LCA5: variants seen among roughly 807,000 people sequenced by gnomAD.
LCA5 encodes the protein lebercilin.
In LCA5, 37 loss-of-function variants were observed where a neutral mutation model predicts 53.0. The observed-to-expected ratio is 0.70, with a 90% CI of 0.54 to 0.92. The LOEUF (loss-of-function observed/expected upper bound fraction) is 0.92. LCA5 is among the 40% of genes least tolerant of loss of function. The pLI is 0.00. For synonymous variants in LCA5, 303 were observed against 282.9 expected (o/e 1.07, Z -0.71); for missense variants, 806 against 790.5 (o/e 1.02, Z -0.23).
At chr6:79,516,770 G>A (rs1216721010) in intron 2 of LCA5, among the ~76,000 whole-genome samples, 1 of 151,808 alleles carries the variant, frequency 6.6e-6, no homozygotes, top group African/African-American at 2.4e-5. Flanking sequence ...AAAGTGGGTG[G>A]AAAATTGCTT....
chr6:79,518,580 A>G (rs1582645386), intron 2 of LCA5, 125 bp downstream of exon 2: 2 of 859,252 alleles, frequency 2.3e-6, no homozygotes, highest in Non-Finnish European at 3.9e-6. Flanking sequence ...ATAAAACGTA[A>G]ATCAGCCCAC....
At position 79,489,220 on chromosome 6, in the gene LCA5, T is replaced by G; in HGVS notation, c.1099-4A>C. 6.2e-7 allele frequency: 1 copy of G among 1,610,522 alleles called. No homozygotes were observed. Among genetic ancestry groups the G allele is most frequent in the African/African-American group, 1.3e-5 (1 of 74,976 alleles). On this transcript the variant is annotated splice_polypyrimidine_tract_variant and splice_region_variant and intron_variant, in intron 6 of 7. Transcript: ENST00000369846. The stretch of plus-strand genomic sequence containing the variant: ...CTTGCTTTTGAGATTGCAAGTCCTA[T>G]TATACGTTAAAAAAAATGCAAGTTC...
chr6:79,513,152 A>G (rs1738724876), intron 3 of LCA5, 60 bp downstream of exon 3: 2 of 1,497,490 alleles, frequency 1.3e-6, no homozygotes, highest in African/African-American at 1.4e-5. Flanking sequence ...AAGAGAGCAC[A>G]TTAAATGCCC....
intron 3 of LCA5, among the ~76,000 whole-genome samples, chr6:79,512,528 CAA>C (rs1766261470): frequency 6.6e-6 from 1 of 152,130 alleles, no homozygotes; most frequent in Non-Finnish European, 1.5e-5. Flanking sequence ...ACGCTCACAG[CAA>C]GCATTATTGC....
rs34531407 is a variant in LCA5 at position 79,513,651 on chromosome 6, C to G, written c.281G>C (p.Arg94Pro). 6.2e-7 allele frequency: 1 copy of G among 1,613,756 alleles called. No individual in the cohort carries two copies. Among genetic ancestry groups the G allele is most frequent in the East Asian group, 2.2e-5 (1 of 44,848 alleles). Residue 94 changes from arginine to proline, a missense_variant, in exon 3 of 8, where the codon CGG (arginine) becomes CCG (proline). Transcript: ENST00000369846. The stretch of plus-strand genomic sequence containing the variant: ...TTTTGTAACAAGATCAGTATCTTTC[C>G]GAAGTGGCTCTCTATTGAGGCTCTG... ...RSQSLNREPLRKDTDLVTKRI... is the reference protein window; with the variant it reads ...RSQSLNREPLPKDTDLVTKRI...
intron 1 of LCA5, among the ~76,000 whole-genome samples, chr6:79,532,731 A>G (rs1766992721): frequency 6.6e-6 from 1 of 152,040 alleles, no homozygotes; most frequent in Non-Finnish European, 1.5e-5. Context: ...TCCTATTACT[A>G]TGCTTTATTT....
chr6:79,512,071 C>A (rs1339514866), intron 3 of LCA5, among the ~76,000 whole-genome samples: 1 of 152,118 alleles, frequency 6.6e-6, no homozygotes, highest in Admixed American at 6.6e-5. Context: ...AATTAGCATT[C>A]TGTGCGCTTC....
chr6:79,491,967 G>C (rs986833243), intron 5 of LCA5, among the ~76,000 whole-genome samples: 3 of 151,690 alleles, frequency 2.0e-5, no homozygotes, highest in African/African-American at 7.3e-5. Flanking sequence ...TTGTTTCTAG[G>C]ATTTACTGGC....
At chr6:79,514,229 A>G (rs765651421) in intron 2 of LCA5, among the ~76,000 whole-genome samples, 2 of 152,102 alleles carry the variant, frequency 1.3e-5, no homozygotes, top group African/African-American at 2.4e-5. Flanking sequence ...AGCTTTTTTC[A>G]TATGCTTGTT....
chr6:79,499,399 A>G (rs1048580831), intron 3 of LCA5, among the ~76,000 whole-genome samples: 2 of 152,108 alleles, frequency 1.3e-5, no homozygotes, highest in African/African-American at 4.8e-5. Flanking sequence ...GAGCAAGGAG[A>G]GTAGAAAAAG....
intron 1 of LCA5, among the ~76,000 whole-genome samples, chr6:79,530,969 T>C (rs140942921): frequency 6.6e-6 from 1 of 152,068 alleles, no homozygotes; most frequent in Non-Finnish European, 1.5e-5. Context: ...CTACTATAGC[T>C]CAACAAGATT....
rs528853254 is a variant in LCA5 at position 79,485,867 on chromosome 6, C to A, written c.*1137G>T. The A allele has an allele frequency of 9.2e-5, 14 of 152,230 alleles. No individual in the cohort carries two copies. The East Asian group carries it at 2.5e-3, about 27-fold the overall frequency. 9.4% of individuals were successfully genotyped at this position (152,230 alleles called of 1,614,324 possible). On this transcript the variant is annotated 3_prime_UTR_variant, in exon 8 of 8. Transcript: ENST00000369846. ...TACTGCTTTTTAAAGACCAATCATA[C>A]CCAGCATGATCCAAGGTCATCAACT... is the stretch of plus-strand genomic sequence containing the variant.
intron 1 of LCA5, among the ~76,000 whole-genome samples, chr6:79,536,025 A>G (rs1562117136): frequency 6.6e-6 from 1 of 152,246 alleles, no homozygotes; most frequent in Non-Finnish European, 1.5e-5. Flanking sequence ...TCACAAAAGA[A>G]GAAAAATCTC....
chr6:79,490,427 TA>T (rs1380433268), intron 6 of LCA5, among the ~76,000 whole-genome samples: 5 of 152,162 alleles, frequency 3.3e-5, no homozygotes, highest in African/African-American at 1.2e-4. Flanking sequence ...AGAATTTAAC[TA>T]AAATGAGAGC....
intron 7 of LCA5, 57 bp downstream of exon 7, chr6:79,489,027 C>T (rs1207167991): frequency 6.3e-7 from 1 of 1,596,704 alleles, no homozygotes; most frequent in Non-Finnish European, 8.6e-7. Context: ...GACGCTCACT[C>T]TTTCTTTCTC....
chr6:79,498,864 G>C (rs1770054689), intron 3 of LCA5, among the ~76,000 whole-genome samples: 1 of 151,948 alleles, frequency 6.6e-6, no homozygotes, highest in Non-Finnish European at 1.5e-5. Flanking sequence ...CTGTAAAAGA[G>C]AACAGAAAGG....
chr6:79,516,508 T>TA, intron 2 of LCA5, among the ~76,000 whole-genome samples: 1 of 152,058 alleles, frequency 6.6e-6, no homozygotes. Context: ...TTTAGTCAGA[T>TA]AAAAAAGGGT....
chr6:79,491,042 A>G (rs867043141), intron 6 of LCA5, among the ~76,000 whole-genome samples: 1 of 134,580 alleles, frequency 7.4e-6, no homozygotes, highest in African/African-American at 3.1e-5. Context: ...TCTCCTATAT[A>G]GAGGACCAAA....
At position 79,487,299 on chromosome 6, in the gene LCA5, T is replaced by A. The variant is rs1426699257; in HGVS notation, c.1799A>T (p.Lys600Ile). 1 of 1,613,626 alleles carries A rather than the reference T, an allele frequency of 6.2e-7. No homozygotes were observed. Among genetic ancestry groups the A allele is most frequent in the Non-Finnish European group, 8.5e-7 (1 of 1,179,820 alleles). ...TAACTGTTCCATCAAATTAGCTTTT[T>A]TCTCTTTTCTTGTAATTAAATCTAC... ...DGVDLITRKEKKANLMEQLFG... is the reference protein window; with the variant it reads ...DGVDLITRKEIKANLMEQLFG... The change falls in exon 8 of 8, where the codon AAA (lysine) becomes ATA (isoleucine). Residue 600 changes from lysine to isoleucine, a missense_variant. Coordinates refer to ENST00000369846, the MANE Select transcript of LCA5 (RefSeq NM_001122769.3).
Sources: gnomAD v4.1 joint callset for allele counts (sites outside exome capture counted in the v4.1 genomes callset) on GRCh38, gnomAD v4.1.1 for gene constraint, MANE v1.5 for transcripts, NCBI Gene and HGNC (gene_info 2026-07-23, HGNC 2026-07-21) for gene names.